Variants in C1QTNF3 observed in about 807,000 individuals in gnomAD.
C1QTNF3 encodes the protein complement C1q tumor necrosis factor-related protein 3.
Under a neutral mutation model 32.6 loss-of-function variants are expected in C1QTNF3, and 26 were observed. The ratio of observed to expected loss-of-function variants is 0.80; its 90% CI spans 0.58 to 1.11. C1QTNF3 has a LOEUF of 1.11. Among genes scored for constraint, C1QTNF3 ranks in the 50% least tolerant of loss-of-function variants. The pLI is 0.00. For synonymous variants in C1QTNF3, 155 were observed against 146.0 expected, an observed-to-expected ratio of 1.06 and a Z score of -0.44; for missense variants, 362 against 398.2, an observed-to-expected ratio of 0.91 and a Z score of 0.77.
chr5:34,166,356 G>A, the C1QTNF3 span: 14 of 152,054 alleles, frequency 9.2e-5, no homozygotes, highest in African/African-American at 2.6e-4. Flanking sequence ...GCTGTGGGAT[G>A]TACCGAAAAA....
the C1QTNF3 span, among the ~76,000 whole-genome samples, chr5:34,202,225 T>C: frequency 1.5e-3 from 231 of 152,022 alleles, 2 homozygotes; most frequent in African/African-American, 5.2e-3. Flanking sequence ...TGAGGAAACC[T>C]GTCCAACAGT....
intron 4 of C1QTNF3, among the ~76,000 whole-genome samples, chr5:34,025,168 C>T (rs16892178): frequency 0.071 from 10,833 of 152,044 alleles, 639 homozygotes; most frequent in African/African-American, 0.16. Context: ...TAGAGATTGG[C>T]CCACAGAGGA....
the C1QTNF3 span, among the ~76,000 whole-genome samples, chr5:34,132,764 C>A: frequency 2.6e-5 from 4 of 152,014 alleles, no homozygotes; most frequent in African/African-American, 4.8e-5. Context: ...AGAGAAAGAG[C>A]TTAAAGGTGT....
the C1QTNF3 span, among the ~76,000 whole-genome samples, chr5:34,130,872 C>T: frequency 1.1e-4 from 16 of 152,282 alleles, no homozygotes; most frequent in African/African-American, 3.1e-4. Flanking sequence ...TGGATGTTGA[C>T]GGCCCAAGAA....
the C1QTNF3 span, among the ~76,000 whole-genome samples, chr5:34,097,325 G>A: frequency 4.0e-5 from 6 of 151,868 alleles, no homozygotes; most frequent in African/African-American, 1.5e-4. Context: ...TTTATATAGT[G>A]CTAACAATGT....
At chr5:34,100,961 C>T in the C1QTNF3 span, among the ~76,000 whole-genome samples, 1 of 151,848 alleles carries the variant, frequency 6.6e-6, no homozygotes, top group South Asian at 2.1e-4. Context: ...ATGGCTGGTG[C>T]TGCATATTTG....
the C1QTNF3 span, chr5:34,124,285 T>C: frequency 3.8e-6 from 2 of 524,422 alleles, no homozygotes; most frequent in Non-Finnish European, 7.0e-6. Context: ...TATAATCACA[T>C]CCAAAAACAT....
At position 34,017,926 on chromosome 5, in the gene C1QTNF3, A is replaced by T. The variant is rs887975267; in HGVS notation, c.*2657T>A. The stretch of plus-strand genomic sequence containing the variant: ...TGACATATTATTTGTAATAAAAAAA[A>T]AATAATATTTTCCAAAACAGGAAAG... On this transcript the variant is annotated 3_prime_UTR_variant, in exon 6 of 6. Coordinates refer to ENST00000382065, the MANE Select transcript of C1QTNF3 (RefSeq NM_181435.6). Among the ~76,000 whole-genome samples, 18 of 152,010 alleles carry T rather than the reference A, an allele frequency of 1.2e-4. No homozygotes were observed. The highest frequency in any genetic ancestry group is 2.2e-4 in the African/African-American group (9 of 41,376).
At chr5:34,204,404 A>G in the C1QTNF3 span, among the ~76,000 whole-genome samples, 2 of 152,240 alleles carry the variant, frequency 1.3e-5, no homozygotes, top group African/African-American at 4.8e-5. Context: ...ATAGAATACT[A>G]TTCAGCTATA....
At chr5:34,238,211 T>C in the C1QTNF3 span, among the ~76,000 whole-genome samples, 1 of 152,084 alleles carries the variant, frequency 6.6e-6, no homozygotes, top group Admixed American at 6.6e-5. Context: ...GCAAGAACTC[T>C]GGCAATTCAA....
chr5:34,157,865 G>T, the C1QTNF3 span, among the ~76,000 whole-genome samples: 1 of 152,044 alleles, frequency 6.6e-6, no homozygotes, highest in Non-Finnish European at 1.5e-5. Context: ...AACTTTTCTC[G>T]TTGTAAGCTG....
chr5:34,244,148 A>T, the C1QTNF3 span, among the ~76,000 whole-genome samples: 1 of 152,190 alleles, frequency 6.6e-6, no homozygotes, highest in Non-Finnish European at 1.5e-5. Context: ...CTTTTTAACA[A>T]GTAAAATTCC....
At chr5:34,197,806 C>A in the C1QTNF3 span, among the ~76,000 whole-genome samples, 71,297 of 151,478 alleles carry the variant, frequency 0.47, 19,527 homozygotes, top group African/African-American at 0.76. Context: ...ATGGTACCGG[C>A]GGCTGGATGG....
chr5:34,227,237 GAAC>G, the C1QTNF3 span, among the ~76,000 whole-genome samples: 4 of 150,192 alleles, frequency 2.7e-5, no homozygotes, highest in African/African-American at 7.3e-5. Flanking sequence ...TTCACTGCAA[GAAC>G]AACAGGTGGA....
chr5:34,244,087 T>C, the C1QTNF3 span, among the ~76,000 whole-genome samples: 289 of 148,084 alleles, frequency 2.0e-3, 1 homozygote, highest in Middle Eastern at 3.4e-3. Flanking sequence ...ACCTAATTCA[T>C]AGTCTCTTAT....
chr5:34,238,989 C>T, the C1QTNF3 span, among the ~76,000 whole-genome samples: 1 of 152,178 alleles, frequency 6.6e-6, no homozygotes, highest in Non-Finnish European at 1.5e-5. Context: ...AGCCTATGTC[C>T]AACATCATTA....
chr5:34,037,204 C>T (rs1372326112), intron 1 of C1QTNF3, among the ~76,000 whole-genome samples: 3 of 151,968 alleles, frequency 2.0e-5, no homozygotes. Flanking sequence ...TTATGTCATA[C>T]AAAATACTTG....
At chr5:34,123,747 A>AT in the C1QTNF3 span, among the ~76,000 whole-genome samples, 1 of 151,970 alleles carries the variant, frequency 6.6e-6, no homozygotes. Context: ...AAATGCTGCA[A>AT]TTTTTTTCAT....
intron 5 of C1QTNF3, among the ~76,000 whole-genome samples, chr5:34,022,384 G>C (rs945054373): frequency 1.3e-5 from 2 of 152,148 alleles, no homozygotes; most frequent in African/African-American, 4.8e-5. Context: ...ATGTGCCACA[G>C]AGAAAAGCAG....
Sources: gnomAD v4.1 joint callset for allele counts (sites outside exome capture counted in the v4.1 genomes callset) on GRCh38, gnomAD v4.1.1 for gene constraint, MANE v1.5 for transcripts, NCBI Gene and HGNC (gene_info 2026-07-23, HGNC 2026-07-21) for gene names.